Variants in CDC42BPB observed in about 807,000 individuals in gnomAD.
CDC42BPB encodes CDC42 binding protein kinase beta, also known as serine/threonine-protein kinase MRCK beta.
In CDC42BPB, 37 loss-of-function variants were observed where a neutral mutation model predicts 214.9. The observed-to-expected ratio is 0.17, with a 90% CI of 0.13 to 0.23. The LOEUF (loss-of-function observed/expected upper bound fraction) is 0.23, where lower values mean the gene tolerates loss of function less well. Among genes scored for constraint, CDC42BPB ranks in the 10% least tolerant of loss-of-function variants. CDC42BPB has a pLI of 1.00. For synonymous variants in CDC42BPB, 931 were observed against 884.0 expected, an observed-to-expected ratio of 1.05 and a Z score of -0.94; for missense variants, 1,694 against 2,227.0, an observed-to-expected ratio of 0.76 and a Z score of 4.82.
At chr14:102,935,601 C>T (rs1367783315) in intron 36 of CDC42BPB, among the ~76,000 whole-genome samples, 19 of 151,932 alleles carry the variant, frequency 1.3e-4, no homozygotes, top group Admixed American at 1.2e-3. Context: ...ACCAGTCTGG[C>T]CAACATGGTG....
At chr14:103,019,473 C>A (rs1025406572) in intron 1 of CDC42BPB, among the ~76,000 whole-genome samples, 4 of 152,176 alleles carry the variant, frequency 2.6e-5, no homozygotes, top group Admixed American at 6.5e-5. Context: ...TCTTCCTGCC[C>A]GTCTTCCTCA....
rs202209179 is a variant in CDC42BPB at position 102,939,933 on chromosome 14, C to T, written c.4606G>A (p.Val1536Met). The change falls in exon 33 of 37, where the codon GTG becomes ATG. Residue 1536 changes from valine (V) to methionine (M), a missense_variant. Physicochemically the swap from Val to Met is conservative, Grantham distance 21. Transcript: ENST00000361246. Reference protein sequence around the residue: ...KSKFSGAVLNVPDTSDNSKKQ... With the variant: ...KSKFSGAVLNMPDTSDNSKKQ... ...TTGCTGTTGTCGGAGGTGTCCGGCA[C>T]GTTGAGAACCGCTCCTGCAGAAGCA... is the stretch of plus-strand genomic sequence containing the variant. 5.0e-6 allele frequency: 8 copies of T among 1,613,834 alleles called. No homozygotes were observed. In the Admixed American group the frequency reaches 6.7e-5, roughly 13 times the overall value.
Position 103,024,694 on chromosome 14 carries a change from G to A in CDC42BPB, c.176-12506C>T, listed in dbSNP as rs561318977. On this transcript the variant is annotated intron_variant, in intron 1 of 36. Transcript: ENST00000361246. ...TTCTCTTATACCCTAAATATTTGAT[G>A]AAATATTCAACCCACCCATTGCTAA... Among the ~76,000 whole-genome samples the A allele has an allele frequency of 7.9e-5, 12 of 152,238 alleles. No individual in the cohort carries two copies. In the East Asian group the frequency reaches 2.1e-3, roughly 27 times the overall value.
chr14:102,965,725 A>G (rs1425729583), intron 18 of CDC42BPB, among the ~76,000 whole-genome samples: 1 of 152,138 alleles, frequency 6.6e-6, no homozygotes, highest in Non-Finnish European at 1.5e-5. Flanking sequence ...GGGAGGCCGA[A>G]GCGGGCAGAT....
intron 1 of CDC42BPB, among the ~76,000 whole-genome samples, chr14:103,019,279 T>C (rs1297008713): frequency 6.6e-6 from 1 of 152,116 alleles, no homozygotes; most frequent in African/African-American, 2.4e-5. Context: ...GCCCTGCAGC[T>C]CAGAAGCTGG....
chr14:103,030,125 A>T (rs1446993629), intron 1 of CDC42BPB, among the ~76,000 whole-genome samples: 11 of 152,188 alleles, frequency 7.2e-5, no homozygotes, highest in African/African-American at 2.7e-4. Flanking sequence ...CTTCCTGAAC[A>T]GAGGAGAAGC....
At chr14:103,054,861 A>G (rs1888856229) in intron 1 of CDC42BPB, among the ~76,000 whole-genome samples, 1 of 152,264 alleles carries the variant, frequency 6.6e-6, no homozygotes, top group Admixed American at 6.5e-5. Context: ...ATCTCATAAA[A>G]TATGACCTCC....
intron 1 of CDC42BPB, among the ~76,000 whole-genome samples, chr14:103,036,696 A>G (rs1887684536): frequency 1.3e-5 from 2 of 152,276 alleles, no homozygotes; most frequent in African/African-American, 2.4e-5. Context: ...GGGAATGCAC[A>G]TATGATTCTA....
Position 102,976,033 on chromosome 14 carries a change from C to T in CDC42BPB, c.1237G>A (p.Gly413Ser), listed in dbSNP as rs1193231685. Reference sequence around the variant, plus strand: ...GACTGCATTATGCTCTTCAGAGAGCCTCGATCAGAAAAACAGCTGGGAAAC... The same window carrying T: ...GACTGCATTATGCTCTTCAGAGAGCTTCGATCAGAAAAACAGCTGGGAAAC... ...FTTESCFSDR[G>S]SLKSIMQSNT... Residue 413 changes from glycine (G) to serine (S), a missense_variant, in exon 10 of 37, where the codon GGC becomes AGC. Gly to Ser is a moderately conservative substitution (Grantham distance 56). This residue lies in a region of CDC42BPB where 462 missense variants were observed against 513.5 expected (regional missense o/e 0.90). Coordinates refer to ENST00000361246, the MANE Select transcript of CDC42BPB (RefSeq NM_006035.4). 8.7e-6 allele frequency: 14 copies of T among 1,611,028 alleles called. No individual in the cohort carries two copies. Among genetic ancestry groups the T allele is most frequent in the Admixed American group, 1.7e-5 (1 of 59,574 alleles).
chr14:103,055,374 G>A (rs1888887388), intron 1 of CDC42BPB, among the ~76,000 whole-genome samples: 1 of 152,216 alleles, frequency 6.6e-6, no homozygotes, highest in East Asian at 1.9e-4. Flanking sequence ...AGTGAGCCAA[G>A]ATCATGCCAC....
chr14:103,010,602 C>T (rs1886099335), intron 2 of CDC42BPB, among the ~76,000 whole-genome samples: 1 of 152,230 alleles, frequency 6.6e-6, no homozygotes, highest in Admixed American at 6.5e-5. Context: ...GTGGGCAGAG[C>T]ACACCTGCTG....
At chr14:103,029,211 C>T (rs1887211807) in intron 1 of CDC42BPB, among the ~76,000 whole-genome samples, 1 of 152,128 alleles carries the variant, frequency 6.6e-6, no homozygotes, top group South Asian at 2.1e-4. Flanking sequence ...AATACTGTTG[C>T]TAATTATATG....
At chr14:103,008,599 AAAAGGCTAGC>A (rs1885977742) in intron 2 of CDC42BPB, 44 bp from the exon 3 acceptor site, 1 of 1,593,456 alleles carries the variant, frequency 6.3e-7, no homozygotes, top group Admixed American at 1.7e-5. Context: ...GTTCTTGAAC[AAAAGGCTAGC>A]ACGCTGGAGC....
intron 1 of CDC42BPB, among the ~76,000 whole-genome samples, chr14:103,053,506 A>G (rs1888733799): frequency 6.6e-6 from 1 of 152,060 alleles, no homozygotes; most frequent in Non-Finnish European, 1.5e-5. Flanking sequence ...TCACACCTGT[A>G]ATCCAAGAAC....
rs138717678 is a variant in CDC42BPB at position 102,940,066 on chromosome 14, T to A, written c.4571A>T (p.Tyr1524Phe). 15 of 1,613,802 alleles carry A rather than the reference T, an allele frequency of 9.3e-6. No individual in the cohort carries two copies. Among genetic ancestry groups the A allele is most frequent in the Non-Finnish European group, 1.2e-5 (14 of 1,179,996 alleles). ...LLNCEPPRLI[Y>F]FKSKFSGAVL... ...CTCACCCGAGAACTTGCTCTTGAAG[T>A]AGATCAAGCGTGGAGGCTCGCAGTT... Residue 1524 changes from tyrosine to phenylalanine, a missense_variant, in exon 32 of 37, where the codon TAC becomes TTC. By Grantham distance (22) the Tyr-to-Phe change is conservative. Around this residue, in one of 7 missense-constraint regions of CDC42BPB, gnomAD observed 567 missense variants for 790.3 expected, o/e 0.72. Coordinates refer to ENST00000361246, the MANE Select transcript of CDC42BPB (RefSeq NM_006035.4).
intron 1 of CDC42BPB, among the ~76,000 whole-genome samples, chr14:103,037,469 T>C (rs1258421190): frequency 1.3e-5 from 2 of 152,180 alleles, no homozygotes; most frequent in Non-Finnish European, 2.9e-5. Context: ...AATTTTTGTA[T>C]AATTTGTAGA....
In CDC42BPB at chr14:102,987,992, T is replaced by C. The variant is rs1185703869; in HGVS notation, c.597-1412A>G. 4.0e-5 allele frequency among the ~76,000 whole-genome samples: 6 copies of C among 150,496 alleles called. No individual in the cohort carries two copies. In the East Asian group the frequency reaches 1.2e-3, roughly 30 times the overall value. Reference sequence around the variant, plus strand: ...CTGTCTCAAAACACAAAAACACACGTACACACACAAACACACACGCACGCA... The same window carrying C: ...CTGTCTCAAAACACAAAAACACACGCACACACACAAACACACACGCACGCA... On this transcript the variant is annotated intron_variant, in intron 5 of 36. Transcript: ENST00000361246.
chr14:102,956,483 CCT>C (rs1242270885), intron 21 of CDC42BPB: 2 of 945,062 alleles, frequency 2.1e-6, no homozygotes, highest in South Asian at 4.9e-5. Context: ...AGACCCAGCC[CCT>C]GATGGAGGGT....
intron 1 of CDC42BPB, among the ~76,000 whole-genome samples, chr14:103,022,042 G>T (rs923739627): frequency 9.2e-5 from 14 of 152,154 alleles, no homozygotes; most frequent in Non-Finnish European, 1.9e-4. Flanking sequence ...GAAGCCCAAG[G>T]TGCCCAGTGT....
Sources: gnomAD v4.1 joint callset for allele counts (sites outside exome capture counted in the v4.1 genomes callset) on GRCh38, gnomAD v4.1.1 for gene constraint, gnomAD v4.1.1 regional missense constraint, MANE v1.5 for transcripts, NCBI Gene and HGNC (gene_info 2026-07-23, HGNC 2026-07-21) for gene names.